The following ULK1 variants were observed in gnomAD, a reference collection of about 807,000 sequenced individuals.
ULK1 encodes the protein unc-51 like autophagy activating kinase 1, also known as serine/threonine-protein kinase ULK1.
In ULK1, 48 loss-of-function variants were observed where a neutral mutation model predicts 117.5. The ratio of observed to expected loss-of-function variants is 0.41; its 90% CI spans 0.32 to 0.52. The LOEUF (loss-of-function observed/expected upper bound fraction) is 0.52. Ranked by LOEUF, ULK1 falls within the 20% of genes least tolerant of loss-of-function variation. The pLI is 0.29. For synonymous variants in ULK1, 790 were observed against 637.8 expected (o/e 1.24, Z -3.60); for missense variants, 1,387 against 1,473.4 (o/e 0.94, Z 0.96).
rs1390063418 is a variant in ULK1, at chr12:131,921,244, C to A, written c.3097+9C>A. 1 of 1,607,956 alleles carries A rather than the reference C, an allele frequency of 6.2e-7. No homozygotes were observed. The highest frequency in any genetic ancestry group is 1.1e-5 in the South Asian group (1 of 91,060). ...CGAGAACGTCACCAAGTGTGAGTGCCCGGCTGGGCTGGGGGCTGGGGACTC... is the reference window on the plus strand; with the variant it reads ...CGAGAACGTCACCAAGTGTGAGTGCACGGCTGGGCTGGGGGCTGGGGACTC... On this transcript the variant is annotated intron_variant, in intron 27 of 27. Transcript: ENST00000321867.
At chr12:131,919,102 G>A (rs1226467045) in intron 23 of ULK1, 110 bp from the exon 24 acceptor site, 3 of 1,299,178 alleles carry the variant, frequency 2.3e-6, no homozygotes, top group South Asian at 3.0e-5. Context: ...GCTGCAGCAG[G>A]GGAGGGTACC....
At chr12:131,901,990 C>A (rs1310380271) in intron 3 of ULK1, among the ~76,000 whole-genome samples, 1 of 152,142 alleles carries the variant, frequency 6.6e-6, no homozygotes, top group East Asian at 1.9e-4. Context: ...CATCTAGGGA[C>A]CTGCCTCAAC....
chr12:131,920,733 A>G, intron 26 of ULK1: 1 of 255,552 alleles, frequency 3.9e-6, no homozygotes, highest in Non-Finnish European at 7.5e-6. Flanking sequence ...CTTTTTTAAG[A>G]AAATTTAAGC....
At chr12:131,906,736 C>T (rs1333176140) in intron 3 of ULK1, 156 bp from the exon 4 acceptor site, 2 of 850,256 alleles carry the variant, frequency 2.4e-6, no homozygotes, top group Non-Finnish European at 1.9e-6. Context: ...CTACAAAGCA[C>T]GTGGCCCAGA....
chr12:131,915,354 G>A lies in ULK1; in HGVS notation c.1542G>A (p.Arg514=). 3.1e-6 allele frequency: 5 copies of A among 1,612,814 alleles called. No individual in the cohort carries two copies. Among genetic ancestry groups the A allele is most frequent in the Non-Finnish European group, 3.4e-6 (4 of 1,179,966 alleles). Residue 514 remains arginine (R), a synonymous_variant, in exon 18 of 28, where the codon CGG becomes CGA. Transcript: ENST00000321867. ...CCCAAGTTGGAACCATCCCTGAGCG[G>A]CCAGGCTGGAGCGGGACGCCCTCCC... ...PSPQVGTIPE[R]PGWSGTPSPQ...
chr12:131,903,361 C>T lies in ULK1; in HGVS notation c.247-3531C>T, dbSNP rs1889158466. Among the ~76,000 whole-genome samples, 1 of 152,224 alleles carries T rather than the reference C, an allele frequency of 6.6e-6. No homozygotes were observed. Among genetic ancestry groups the T allele is most frequent in the South Asian group, 2.1e-4 (1 of 4,834 alleles). ...GCAGAGTGAGGACAGGACTCCAGCCCACCTGCTTGGGCTGTGCTGCCATTT... is the reference window on the plus strand; with the variant it reads ...GCAGAGTGAGGACAGGACTCCAGCCTACCTGCTTGGGCTGTGCTGCCATTT... On this transcript the variant is annotated intron_variant, in intron 3 of 27. Coordinates refer to ENST00000321867, the MANE Select transcript of ULK1 (RefSeq NM_003565.4). This position sits in a 1 kb window ranked among gnomAD's most constrained non-coding sequence, Gnocchi z 6.0.
Position 131,911,931 on chromosome 12 carries a change from T to C in ULK1, c.949-11T>C. The C allele has an allele frequency of 6.2e-7, 1 of 1,612,750 alleles. No individual in the cohort carries two copies. The highest frequency in any genetic ancestry group is 8.5e-7 in the Non-Finnish European group (1 of 1,179,910). ...TGAGACCTGCTCACCAGCCCCTCCG[T>C]TGACTCTCAGTCCCTGGGCGAGATG... On this transcript the variant is annotated splice_polypyrimidine_tract_variant and intron_variant, in intron 12 of 27. Coordinates refer to ENST00000321867, the MANE Select transcript of ULK1 (RefSeq NM_003565.4).
chr12:131,902,019 G>A lies in ULK1; in HGVS notation c.247-4873G>A, dbSNP rs1002111086. Among the ~76,000 whole-genome samples, 35 of 152,098 alleles carry A rather than the reference G, an allele frequency of 2.3e-4. No individual in the cohort carries two copies. Among genetic ancestry groups the A allele is most frequent in the African/African-American group, 7.5e-4 (31 of 41,418 alleles). ...CCTCAACCCCCTGCGGCTGGCTCCC[G>A]GATTGTCCAGACCCCCAGGCCCAGC... is the stretch of plus-strand genomic sequence containing the variant. On this transcript the variant is annotated intron_variant, in intron 3 of 27. Transcript: ENST00000321867. This position sits in a 1 kb window ranked among gnomAD's most constrained non-coding sequence, Gnocchi z 6.3.
At chr12:131,911,491 C>T (rs922923505) in intron 12 of ULK1, among the ~76,000 whole-genome samples, 24 of 152,330 alleles carry the variant, frequency 1.6e-4, no homozygotes, top group African/African-American at 5.5e-4. Flanking sequence ...CACCACCGCA[C>T]GGATGGTGTG....
At chr12:131,915,794 G>T in intron 18 of ULK1, 97 bp from the exon 19 acceptor site, 1 of 1,512,912 alleles carries the variant, frequency 6.6e-7, no homozygotes, top group Non-Finnish European at 8.9e-7. Context: ...GTGGGGCCTT[G>T]GAGTGCGTCT....
intron 23 of ULK1, 71 bp from the exon 24 acceptor site, chr12:131,919,138 CGGT>C: frequency 2.0e-6 from 3 of 1,482,390 alleles, no homozygotes; most frequent in Non-Finnish European, 2.7e-6. Context: ...AAGGCGTCAT[CGGT>C]GAGTCTGAAG....
At chr12:131,907,131 T>C (rs1040102999) in intron 4 of ULK1, among the ~76,000 whole-genome samples, 3 of 152,200 alleles carry the variant, frequency 2.0e-5, no homozygotes, top group Non-Finnish European at 2.9e-5. Context: ...TCCTCCTGCC[T>C]CAGCCTCCCG....
rs753507101 is a variant in ULK1, at chr12:131,909,848, G to A, written c.725+15G>A. 1 of 1,610,918 alleles carries A rather than the reference G, an allele frequency of 6.2e-7. No individual in the cohort carries two copies. The highest frequency in any genetic ancestry group is 8.5e-7 in the Non-Finnish European group (1 of 1,178,952). ...TTGGTCCCCACGTAAGCACCCTCCC[G>A]CCTTCCCTTCCCTTCCCCCGCGGGC... On this transcript the variant is annotated intron_variant, in intron 9 of 27. Coordinates refer to ENST00000321867, the MANE Select transcript of ULK1 (RefSeq NM_003565.4).
intron 13 of ULK1, among the ~76,000 whole-genome samples, 194 bp downstream of exon 13, chr12:131,912,283 G>T (rs1889574148): frequency 1.3e-5 from 2 of 152,180 alleles, no homozygotes; most frequent in Non-Finnish European, 2.9e-5. Flanking sequence ...ATCAAAGCCG[G>T]GTCCTCCTAG....
At chr12:131,919,924 C>T (rs1025040893) in intron 25 of ULK1, 55 bp from the exon 26 acceptor site, 9 of 1,587,338 alleles carry the variant, frequency 5.7e-6, no homozygotes, top group African/African-American at 2.7e-5. Context: ...CATGGCCACT[C>T]CAGCCCTGCC....
Position 131,916,947 on chromosome 12 carries a change from C to A in ULK1, c.2073-6C>A. ...GCACCCAGCACAGCCCTGCACACTC[C>A]CACAGGTCTTTCAGCACCAGCCGCC... On this transcript the variant is annotated splice_polypyrimidine_tract_variant and splice_region_variant and intron_variant, in intron 20 of 27. Transcript: ENST00000321867. The A allele has an allele frequency of 6.2e-7, 1 of 1,609,010 alleles. No individual in the cohort carries two copies. Among genetic ancestry groups the A allele is most frequent in the Non-Finnish European group, 8.5e-7 (1 of 1,177,998 alleles).
rs775236886 is a variant in ULK1, at chr12:131,918,446, G to C, written c.2327-51G>C. On this transcript the variant is annotated intron_variant, in intron 22 of 27. Coordinates refer to ENST00000321867, the MANE Select transcript of ULK1 (RefSeq NM_003565.4). Reference sequence around the variant, plus strand: ...GGGAGTCTGTGGGGGATGGATGGGGGCCACGGTGTCTGCTGGTCCTGGTGT... The same window carrying C: ...GGGAGTCTGTGGGGGATGGATGGGGCCCACGGTGTCTGCTGGTCCTGGTGT... 7 of 1,554,130 alleles carry C rather than the reference G, an allele frequency of 4.5e-6. No individual in the cohort carries two copies. In the South Asian group the frequency reaches 8.2e-5, roughly 18 times the overall value.
In ULK1 at chr12:131,916,128, C is replaced by G; in HGVS notation, c.1847C>G (p.Pro616Arg). The part of the protein sequence containing the change: ...PKLPDFLQRN[P>R]LPPILGSPTK... ...CTGCCCGACTTCCTGCAGCGAAACC[C>G]CCTGCCCCCCATCCTGGGCTCCCCC... Residue 616 changes from proline to arginine, a missense_variant, in exon 19 of 28, where the codon CCC becomes CGC. Physicochemically the swap from Pro to Arg is moderately radical, Grantham distance 103. Around this residue, in one of 4 missense-constraint regions of ULK1, gnomAD observed 900 missense variants for 858.9 expected, o/e 1.05. Transcript: ENST00000321867. 1 of 1,612,516 alleles carries G rather than the reference C, an allele frequency of 6.2e-7. No homozygotes were observed. The highest frequency in any genetic ancestry group is 1.1e-5 in the South Asian group (1 of 91,080).
At position 131,915,148 on chromosome 12, in the gene ULK1, C is replaced by T. The variant is rs1295484037; in HGVS notation, c.1439C>T (p.Pro480Leu). Reference sequence around the variant, plus strand: ...GGCTTTGCAAGGGCCAGCCCCTCGCCCCCTGCCCACGCTGAGCATGGAGGC... The same window carrying T: ...GGCTTTGCAAGGGCCAGCCCCTCGCTCCCTGCCCACGCTGAGCATGGAGGC... ...PLGFARASPS[P>L]PAHAEHGGVL... Residue 480 changes from proline (P) to leucine (L), a missense_variant, in exon 17 of 28, where the codon CCC becomes CTC. Pro to Leu is a moderately conservative substitution (Grantham distance 98). Transcript: ENST00000321867. 17 of 1,606,422 alleles carry T rather than the reference C, an allele frequency of 1.1e-5. No homozygotes were observed. The highest frequency in any genetic ancestry group is 1.4e-5 in the Non-Finnish European group (17 of 1,176,946).
Sources: allele counts gnomAD v4.1 joint callset (sites outside exome capture counted in the v4.1 genomes callset), GRCh38; gene constraint gnomAD v4.1.1; regional missense constraint gnomAD v4.1.1; non-coding constraint Gnocchi (gnomAD v3.1); transcripts MANE v1.5; gene names NCBI Gene and HGNC (gene_info 2026-07-23, HGNC 2026-07-21).